ADAMTS17: variants seen among roughly 807,000 people sequenced by gnomAD.
ADAMTS17 encodes A disintegrin and metalloproteinase with thrombospondin motifs 17.
In ADAMTS17, 113 loss-of-function variants were observed where a neutral mutation model predicts 141.5. That is an observed-to-expected ratio of 0.80 (90% CI 0.69 to 0.93). The LOEUF (loss-of-function observed/expected upper bound fraction) is 0.93. ADAMTS17 is among the 40% of genes least tolerant of loss of function. The probability of loss-of-function intolerance (pLI) is 0.00; values close to 1 mark genes in which losing one functional copy is unlikely to be tolerated. For synonymous variants in ADAMTS17, 768 were observed against 630.6 expected, an observed-to-expected ratio of 1.22 and a Z score of -3.27; for missense variants, 1,659 against 1,517.9, an observed-to-expected ratio of 1.09 and a Z score of -1.54.
At chr15:100,251,665 G>A (rs1475392157) in intron 7 of ADAMTS17, among the ~76,000 whole-genome samples, 1 of 152,240 alleles carries the variant, frequency 6.6e-6, no homozygotes, top group Non-Finnish European at 1.5e-5. Context: ...CAGAACCCGG[G>A]AGGCAGAGGT....
intron 20 of ADAMTS17, among the ~76,000 whole-genome samples, chr15:99,987,500 G>A (rs2060613189): frequency 6.6e-6 from 1 of 152,188 alleles, no homozygotes; most frequent in Non-Finnish European, 1.5e-5. Flanking sequence ...TTTGGTGGCT[G>A]GTTACAGGAA....
chr15:99,996,340 A>AC (rs1329310748), intron 19 of ADAMTS17, among the ~76,000 whole-genome samples: 4 of 152,136 alleles, frequency 2.6e-5, no homozygotes, highest in Admixed American at 1.3e-4. Context: ...CCAAAGGCTC[A>AC]CCTAGAGTAC....
intron 15 of ADAMTS17, among the ~76,000 whole-genome samples, chr15:100,090,647 C>T (rs1596395332): frequency 6.6e-6 from 1 of 152,296 alleles, no homozygotes; most frequent in African/African-American, 2.4e-5. Flanking sequence ...GGTGACCTCT[C>T]AACGCAGGGC....
intron 8 of ADAMTS17, among the ~76,000 whole-genome samples, chr15:100,193,670 C>A (rs2041004479): frequency 6.6e-6 from 1 of 151,492 alleles, no homozygotes; most frequent in Non-Finnish European, 1.5e-5. Context: ...TTTCTAAACG[C>A]CCAGTGCTCC....
chr15:100,271,144 C>G (rs908831051), intron 4 of ADAMTS17, among the ~76,000 whole-genome samples: 2 of 152,146 alleles, frequency 1.3e-5, no homozygotes, highest in African/African-American at 4.8e-5. Flanking sequence ...CCTACGCATC[C>G]ATCTGTGGAC....
chr15:100,327,052 T>A (rs551677677), intron 3 of ADAMTS17, among the ~76,000 whole-genome samples: 1 of 152,252 alleles, frequency 6.6e-6, no homozygotes, highest in South Asian at 2.1e-4. Flanking sequence ...ATGCCAGAGG[T>A]TGCACATTTT....
chr15:99,986,103 A>G (rs986728072), intron 20 of ADAMTS17, among the ~76,000 whole-genome samples: 5 of 150,198 alleles, frequency 3.3e-5, no homozygotes, highest in Non-Finnish European at 7.5e-5. Context: ...TGGCTTGGCC[A>G]CATGCCCACA....
intron 8 of ADAMTS17, among the ~76,000 whole-genome samples, chr15:100,184,103 T>C (rs1384470156): frequency 1.3e-5 from 2 of 152,158 alleles, no homozygotes; most frequent in Non-Finnish European, 2.9e-5. Context: ...GGAGCACAAG[T>C]TGAGTAGGCC....
chr15:100,071,040 A>G (rs1255501811), intron 15 of ADAMTS17, among the ~76,000 whole-genome samples: 1 of 150,324 alleles, frequency 6.7e-6, no homozygotes, highest in African/African-American at 2.5e-5. Context: ...AATAGATGCA[A>G]TAAAAAATGA....
At chr15:99,996,513 C>T (rs890855147) in intron 19 of ADAMTS17, among the ~76,000 whole-genome samples, 2 of 152,176 alleles carry the variant, frequency 1.3e-5, no homozygotes, top group Non-Finnish European at 2.9e-5. Flanking sequence ...AAATGTAGGA[C>T]TAAAAATCCT....
At chr15:100,088,136 CAA>C (rs1198327101) in intron 15 of ADAMTS17, among the ~76,000 whole-genome samples, 27 of 152,336 alleles carry the variant, frequency 1.8e-4, no homozygotes, top group Non-Finnish European at 4.0e-4. Flanking sequence ...GCAACTTCCG[CAA>C]AGTCTCAGGA....
intron 14 of ADAMTS17, among the ~76,000 whole-genome samples, chr15:100,100,382 A>G (rs930500881): frequency 6.6e-6 from 1 of 152,108 alleles, no homozygotes; most frequent in South Asian, 2.1e-4. Context: ...TCATGCAAAG[A>G]GCTCTTAAGC....
At chr15:100,124,709 C>A (rs2037635124) in intron 12 of ADAMTS17, among the ~76,000 whole-genome samples, 1 of 152,096 alleles carries the variant, frequency 6.6e-6, no homozygotes, top group South Asian at 2.1e-4. Context: ...GTATATTCTA[C>A]CTTCATAAGT....
chr15:100,305,493 G>A (rs147227667), intron 3 of ADAMTS17, among the ~76,000 whole-genome samples: 117 of 152,306 alleles, frequency 7.7e-4, no homozygotes, highest in African/African-American at 2.6e-3. Context: ...TGTGCACAAG[G>A]CCCCCTAGAT....
intron 15 of ADAMTS17, among the ~76,000 whole-genome samples, chr15:100,075,563 G>T (rs2034313758): frequency 6.6e-6 from 1 of 152,126 alleles, no homozygotes; most frequent in Non-Finnish European, 1.5e-5. Flanking sequence ...CTATTATTAG[G>T]TTCTCTAAAA....
At chr15:100,173,542 T>C (rs1466641890) in intron 8 of ADAMTS17, among the ~76,000 whole-genome samples, 3 of 152,114 alleles carry the variant, frequency 2.0e-5, no homozygotes, top group Non-Finnish European at 4.4e-5. Context: ...CACTTTCTGC[T>C]CCAAAAGGGA....
At chr15:100,044,663 T>C (rs572359307) in intron 18 of ADAMTS17, among the ~76,000 whole-genome samples, 4 of 152,362 alleles carry the variant, frequency 2.6e-5, no homozygotes, top group African/African-American at 7.2e-5. Flanking sequence ...TCAGTCTCCA[T>C]TAATGGCCTT....
rs748875032 is a variant in ADAMTS17, at chr15:100,152,679, T to C, written c.1406A>G (p.His469Arg). The change falls in exon 10 of 22, where the codon CAC (histidine) becomes CGC (arginine). Residue 469 changes from histidine (H) to arginine (R), a missense_variant. His to Arg is a conservative substitution (Grantham distance 29). Coordinates refer to ENST00000268070, the MANE Select transcript of ADAMTS17 (RefSeq NM_139057.4). ...VRLPHKLPGM[H>R]YSANEQCQIL... ...CTGGCACTGCTCGTTGGCACTGTAG[T>C]GCATGCCCGGCAGCTTGTGCGGGAG... 8 of 1,614,198 alleles carry C rather than the reference T, an allele frequency of 5.0e-6. No individual in the cohort carries two copies. The highest frequency in any genetic ancestry group is 1.6e-4 in the Middle Eastern group (1 of 6,062).
At chr15:100,312,978 C>T (rs2045451094) in intron 3 of ADAMTS17, among the ~76,000 whole-genome samples, 1 of 152,118 alleles carries the variant, frequency 6.6e-6, no homozygotes, top group African/African-American at 2.4e-5. Context: ...ATCCCATAAG[C>T]ATACAAAGCT....
Sources: allele counts gnomAD v4.1 joint callset (sites outside exome capture counted in the v4.1 genomes callset), GRCh38; gene constraint gnomAD v4.1.1; transcripts MANE v1.5; gene names NCBI Gene and HGNC (gene_info 2026-07-23, HGNC 2026-07-21).